Variants in ZNF329 observed in about 807,000 individuals in gnomAD.
ZNF329 encodes the protein zinc finger protein 329.
A neutral mutation model predicts 26.6 loss-of-function variants in ZNF329; 15 were observed. That is an observed-to-expected ratio of 0.56 (90% CI 0.38 to 0.87). The LOEUF (loss-of-function observed/expected upper bound fraction) is 0.87, where lower values mean the gene tolerates loss of function less well. Among genes scored for constraint, ZNF329 ranks in the 40% least tolerant of loss-of-function variants. ZNF329 has a pLI of 0.00. For missense variants in ZNF329, 651 were observed against 651.9 expected (o/e 1.00, Z 0.02); for synonymous variants, 239 against 233.5 (o/e 1.02, Z -0.21).
chr19:58,135,188 C>T (rs757221234), intron 3 of ZNF329, among the ~76,000 whole-genome samples: 7 of 152,168 alleles, frequency 4.6e-5, no homozygotes, highest in African/African-American at 7.2e-5. Context: ...CACAAGCGAT[C>T]CTCCTGCCTC....
intron 3 of ZNF329, among the ~76,000 whole-genome samples, chr19:58,139,114 G>A (rs926917002): frequency 1.3e-5 from 2 of 152,092 alleles, no homozygotes; most frequent in African/African-American, 4.8e-5. Context: ...CCAAGGCTGT[G>A]ATTACGTCTC....
At chr19:58,141,136 G>A (rs571986645) in intron 3 of ZNF329, among the ~76,000 whole-genome samples, 2 of 151,612 alleles carry the variant, frequency 1.3e-5, no homozygotes, top group Non-Finnish European at 2.9e-5. Context: ...GATTACAGAC[G>A]TGAGCCACCA....
chr19:58,151,683 C>G (rs1490664760), upstream of ZNF329, among the ~76,000 whole-genome samples: 2 of 151,150 alleles, frequency 1.3e-5, no homozygotes, highest in Non-Finnish European at 2.9e-5. Flanking sequence ...AAACTGTGCA[C>G]TTATCCACAT....
intron 1 of ZNF329, among the ~76,000 whole-genome samples, chr19:58,149,769 A>AG (rs2075407797): frequency 1.3e-5 from 2 of 152,214 alleles, no homozygotes; most frequent in South Asian, 4.1e-4. Flanking sequence ...ATTTTAATAA[A>AG]GGTTTAGGTT....
intron 3 of ZNF329, among the ~76,000 whole-genome samples, chr19:58,140,622 G>A (rs1268775859): frequency 2.6e-5 from 4 of 151,812 alleles, no homozygotes; most frequent in Non-Finnish European, 5.9e-5. Context: ...TCACCATGTT[G>A]GCCAGGATGG....
Position 58,126,340 on chromosome 19 carries a change from A to C in ZNF329, c.*1538T>G, listed in dbSNP as rs888311615. ...ATATGATACAAAATTCCAGTCCCCAAAGAAAACCACATTTTATTTCTCCAT... is the reference window on the plus strand; with the variant it reads ...ATATGATACAAAATTCCAGTCCCCACAGAAAACCACATTTTATTTCTCCAT... On this transcript the variant is annotated 3_prime_UTR_variant, in exon 4 of 4. Transcript: ENST00000598312. 1 of 152,224 alleles carries C rather than the reference A, an allele frequency of 6.6e-6. No individual in the cohort carries two copies. The highest frequency in any genetic ancestry group is 1.5e-5 in the Non-Finnish European group (1 of 68,036). 9.4% of individuals were successfully genotyped at this position (152,224 alleles called of 1,614,324 possible). A position where few individuals can be genotyped will look rare whatever the true frequency, so the allele number is the denominator to read the frequency against.
At chr19:58,131,272 T>G (rs139434251) in intron 3 of ZNF329, among the ~76,000 whole-genome samples, 1 of 151,890 alleles carries the variant, frequency 6.6e-6, no homozygotes, top group Non-Finnish European at 1.5e-5. Flanking sequence ...TGGCCAAGCA[T>G]TGGGGGTCAT....
chr19:58,147,535 G>A (rs548657025), intron 1 of ZNF329, among the ~76,000 whole-genome samples: 86 of 144,472 alleles, frequency 6.0e-4, no homozygotes, highest in East Asian at 5.6e-3. Context: ...CGCCCCGCCC[G>A]GGAGGGAGGT....
In ZNF329 at chr19:58,128,598, T is replaced by C; in HGVS notation, c.906A>G (p.Leu302=). ...CGKTFNRNSS[L]ILHQRTHTGE... ...CTGTATGAGTTCTTTGGTGCAAAAT[T>C]AAGGATGAATTTCGGTTGAAGGTTT... Residue 302 remains leucine (L), a synonymous_variant, in exon 4 of 4, where the codon TTA becomes TTG. Transcript: ENST00000598312. 6.2e-7 allele frequency: 1 copy of C among 1,612,022 alleles called. No homozygotes were observed. The highest frequency in any genetic ancestry group is 8.5e-7 in the Non-Finnish European group (1 of 1,179,090).
chr19:58,150,941 T>C (rs955737574), upstream of ZNF329, among the ~76,000 whole-genome samples: 1 of 152,284 alleles, frequency 6.6e-6, no homozygotes, highest in Non-Finnish European at 1.5e-5. Context: ...CTTTCTCCTA[T>C]GGTCTCCTCT....
At chr19:58,146,896 T>C (rs996042916) in intron 1 of ZNF329, among the ~76,000 whole-genome samples, 3 of 151,764 alleles carry the variant, frequency 2.0e-5, no homozygotes, top group Non-Finnish European at 4.4e-5. Flanking sequence ...GATCTTGGCT[T>C]GCTACAACCT....
At chr19:58,130,540 G>C (rs1368930591) in intron 3 of ZNF329, among the ~76,000 whole-genome samples, 1 of 151,874 alleles carries the variant, frequency 6.6e-6, no homozygotes, top group African/African-American at 2.4e-5. Context: ...CAGGCGTGGT[G>C]GCGGGCGCCT....
intron 3 of ZNF329, 87 bp from the exon 4 acceptor site, chr19:58,129,598 A>C: frequency 8.6e-7 from 1 of 1,166,892 alleles, no homozygotes; most frequent in Non-Finnish European, 1.2e-6. Context: ...AGGTGTAAAG[A>C]TGTGTATTTT....
chr19:58,143,907 CCT>C (rs1229107950), intron 1 of ZNF329, among the ~76,000 whole-genome samples: 4 of 151,908 alleles, frequency 2.6e-5, no homozygotes, highest in African/African-American at 7.2e-5. Context: ...ATAGTGAAAC[CCT>C]GTCTCTACTA....
chr19:58,127,715 A>G lies in ZNF329; in HGVS notation c.*163T>C. ...CCTAAGTTGTCTCTGGAGTTCCCCA[A>G]TGAGCAGACTTAACAGTGTGGCTCA... On this transcript the variant is annotated 3_prime_UTR_variant, in exon 4 of 4. Transcript: ENST00000598312. The G allele has an allele frequency of 5.9e-6, 4 of 675,432 alleles. No homozygotes were observed. The highest frequency in any genetic ancestry group is 9.5e-6 in the Non-Finnish European group (4 of 419,882). 41.8% of individuals were successfully genotyped at this position (675,432 alleles called of 1,614,324 possible).
Position 58,128,415 on chromosome 19 carries a change from C to A in ZNF329, c.1089G>T (p.Arg363Ser), listed in dbSNP as rs1215374270. The A allele has an allele frequency of 6.2e-7, 1 of 1,613,768 alleles. No homozygotes were observed. The highest frequency in any genetic ancestry group is 1.1e-5 in the South Asian group (1 of 91,060). ...CAAAGGGCTTTTCTCCAGTGTGAGT[C>A]CTCTCATGCTGGGTGAGGTACGAGC... ...RDGSYLTQHE[R>S]THTGEKPFEC... Residue 363 changes from arginine (R) to serine (S), a missense_variant, in exon 4 of 4, where the codon AGG becomes AGT. By Grantham distance (110) the Arg-to-Ser change is moderately radical (BLOSUM62 -1). Transcript: ENST00000598312.
intron 3 of ZNF329, among the ~76,000 whole-genome samples, chr19:58,130,685 A>AC (rs1356576505): frequency 6.9e-5 from 10 of 145,518 alleles, no homozygotes; most frequent in East Asian, 1.9e-4. Flanking sequence ...AAAAAAAAAA[A>AC]AAAAAAAAAC....
chr19:58,146,582 G>A (rs1051708078), intron 1 of ZNF329, among the ~76,000 whole-genome samples: 8 of 148,774 alleles, frequency 5.4e-5, no homozygotes, highest in Non-Finnish European at 1.0e-4. Context: ...CTCTTTCCAC[G>A]GTCTCCCTCT....
chr19:58,145,732 A>C (rs958489496), intron 1 of ZNF329, among the ~76,000 whole-genome samples: 14 of 152,342 alleles, frequency 9.2e-5, no homozygotes, highest in Admixed American at 9.2e-4. Context: ...AAGAACATTC[A>C]AAGTACCATC....
Sources: gnomAD v4.1 joint callset for allele counts (sites outside exome capture counted in the v4.1 genomes callset) on GRCh38, gnomAD v4.1.1 for gene constraint, MANE v1.5 for transcripts, NCBI Gene and HGNC (gene_info 2026-07-23, HGNC 2026-07-21) for gene names.